The following UAP1 variants were observed in gnomAD, a reference collection of about 807,000 sequenced individuals.
The protein encoded by UAP1 is UDP-N-acetylglucosamine pyrophosphorylase 1.
UAP1 carries 25 observed loss-of-function variants against 58.5 expected under a neutral mutation model. The ratio of observed to expected loss-of-function variants is 0.43; its 90% confidence interval spans 0.31 to 0.60. UAP1 has a LOEUF of 0.60. UAP1 is among the 20% of genes least tolerant of loss of function. The probability of loss-of-function intolerance (pLI) is 0.11; values close to 1 mark genes in which losing one functional copy is unlikely to be tolerated. For missense variants in UAP1, 575 were observed against 630.0 expected, an observed-to-expected ratio of 0.91 and a Z score of 0.93; for synonymous variants, 208 against 213.0, an observed-to-expected ratio of 0.98 and a Z score of 0.21.
chr1:162,563,411 C>G (rs944593052), intron 1 of UAP1, among the ~76,000 whole-genome samples: 2 of 151,764 alleles, frequency 1.3e-5, no homozygotes, highest in African/African-American at 4.8e-5. Flanking sequence ...TGTCGCCAGG[C>G]TGGAGTTCAG....
At chr1:162,584,427 G>C (rs1654787476) in intron 5 of UAP1, among the ~76,000 whole-genome samples, 2 of 152,160 alleles carry the variant, frequency 1.3e-5, no homozygotes, top group Non-Finnish European at 2.9e-5. Flanking sequence ...AAGCACCTAA[G>C]TTAGGGGATG....
chr1:162,577,336 C>A (rs1654254688), intron 3 of UAP1, among the ~76,000 whole-genome samples: 2 of 150,632 alleles, frequency 1.3e-5, no homozygotes, highest in South Asian at 4.2e-4. Flanking sequence ...GCTGCACTGA[C>A]TTCTGTGCTA....
chr1:162,590,364 C>G (rs753729668), exon 8 of UAP1: 1 of 1,612,806 alleles, frequency 6.2e-7, no homozygotes, highest in East Asian at 2.2e-5. Context: ...GATGAGTTTT[C>G]CCCACTAAAG....
intron 9 of UAP1, 78 bp downstream of exon 9, chr1:162,592,860 T>G: frequency 7.5e-7 from 1 of 1,331,088 alleles, no homozygotes; most frequent in South Asian, 1.3e-5. Flanking sequence ...CGTAGTTTAG[T>G]GCTCTGCCTT....
intron 7 of UAP1, among the ~76,000 whole-genome samples, chr1:162,589,102 TATATA>T (rs1655095406): frequency 8.3e-6 from 1 of 120,258 alleles, no homozygotes; most frequent in Non-Finnish European, 1.6e-5. Context: ...ATATTAAATA[TATATA>T]TTATATATAT....
At chr1:162,592,453 A>G (rs984126359) in intron 8 of UAP1, among the ~76,000 whole-genome samples, 1 of 152,180 alleles carries the variant, frequency 6.6e-6, no homozygotes, top group Non-Finnish European at 1.5e-5. Flanking sequence ...AACTGGTTTT[A>G]CAAGAAGCAG....
At chr1:162,600,001 A>G (rs999077252), downstream of UAP1, among the ~76,000 whole-genome samples, 3 of 152,190 alleles carry the variant, frequency 2.0e-5, no homozygotes, top group African/African-American at 7.2e-5. Flanking sequence ...TTATCACTTT[A>G]TAATAGTAGC....
At chr1:162,598,180 A>C (rs1655721147) in intron 10 of UAP1, among the ~76,000 whole-genome samples, 1 of 152,160 alleles carries the variant, frequency 6.6e-6, no homozygotes, top group South Asian at 2.1e-4. Flanking sequence ...CAGCCTGGGC[A>C]ATATAGTGAG....
chr1:162,593,288 A>C (rs946402713), intron 9 of UAP1: 3 of 153,410 alleles, frequency 2.0e-5, no homozygotes, highest in Non-Finnish European at 4.3e-5. Flanking sequence ...CATTAATTTT[A>C]GTCAGTTACT....
At chr1:162,562,141 G>A (rs1444719723) in intron 1 of UAP1, among the ~76,000 whole-genome samples, 1 of 151,730 alleles carries the variant, frequency 6.6e-6, no homozygotes, top group African/African-American at 2.4e-5. Context: ...AGGCGTGTGG[G>A]GTTGGGAGTG....
At chr1:162,600,439 T>A (rs1655861194), downstream of UAP1, among the ~76,000 whole-genome samples, 1 of 152,202 alleles carries the variant, frequency 6.6e-6, no homozygotes. Context: ...TCTCTGTGTC[T>A]AAAATGCTGT....
intron 3 of UAP1, among the ~76,000 whole-genome samples, chr1:162,578,414 T>C (rs1016262439): frequency 1.3e-5 from 2 of 152,236 alleles, no homozygotes; most frequent in African/African-American, 2.4e-5. Context: ...AAAAAACTGC[T>C]TTTTGTAATT....
exon 11 of UAP1, chr1:162,599,732 T>C (rs1047141228): frequency 6.2e-6 from 1 of 160,106 alleles, no homozygotes; most frequent in African/African-American, 2.4e-5. Context: ...ATTGTACATG[T>C]TGAAAGGTTT....
chr1:162,599,139 A>G, intron 10 of UAP1, 132 bp from the exon 11 acceptor site: 1 of 540,200 alleles, frequency 1.9e-6, no homozygotes, highest in African/African-American at 1.9e-5. Context: ...TCTATTAAAT[A>G]GATTTTGACT....
chr1:162,588,590 A>G (rs556827738), intron 6 of UAP1, 103 bp from the exon 7 acceptor site: 559 of 1,227,366 alleles, frequency 4.6e-4, no homozygotes, highest in Non-Finnish European at 5.8e-4. Context: ...CACTTTGAAA[A>G]TCTTAGTATT....
At chr1:162,564,135 C>A (rs1653348833) in intron 1 of UAP1, among the ~76,000 whole-genome samples, 1 of 152,112 alleles carries the variant, frequency 6.6e-6, no homozygotes, top group Non-Finnish European at 1.5e-5. Context: ...AGCATCATGA[C>A]TCTTGAAACC....
chr1:162,577,915 T>G (rs1654309148), intron 3 of UAP1, among the ~76,000 whole-genome samples: 1 of 151,852 alleles, frequency 6.6e-6, no homozygotes, highest in South Asian at 2.1e-4. Context: ...CGGCTATTTT[T>G]TTTTGTTTTT....
At chr1:162,586,229 A>AG (rs756602754) in intron 5 of UAP1, among the ~76,000 whole-genome samples, 1 of 152,376 alleles carries the variant, frequency 6.6e-6, no homozygotes, top group Non-Finnish European at 1.5e-5. Flanking sequence ...ATGTCTACTT[A>AG]GGATAGACTT....
intron 2 of UAP1, among the ~76,000 whole-genome samples, chr1:162,568,176 CTATTTT>C (rs1653641734): frequency 6.6e-6 from 1 of 152,156 alleles, no homozygotes; most frequent in Non-Finnish European, 1.5e-5. Context: ...TACAACATGG[CTATTTT>C]TATTTTGTTT....
Sources: gnomAD v4.1 joint callset for allele counts (sites outside exome capture counted in the v4.1 genomes callset) on GRCh38, gnomAD v4.1.1 for gene constraint, MANE v1.5 for transcripts, NCBI Gene and HGNC (gene_info 2026-07-23, HGNC 2026-07-21) for gene names.